KLHL13: variants seen among roughly 807,000 people sequenced by gnomAD.
KLHL13 encodes kelch-like protein 13.
A neutral mutation model predicts 37.1 loss-of-function variants in KLHL13; 10 were observed. That is an observed-to-expected ratio of 0.27 (90% CI 0.17 to 0.46). The LOEUF is 0.46. Ranked by LOEUF, KLHL13 falls within the 20% of genes least tolerant of loss-of-function variation. The pLI is 1.00. For missense variants in KLHL13, 360 were observed against 509.3 expected, an observed-to-expected ratio of 0.71 and a Z score of 2.82; for synonymous variants, 163 against 181.2, an observed-to-expected ratio of 0.90 and a Z score of 0.81.
At chrX:118,044,314 T>C (rs1451558749) in intron 1 of KLHL13, among the ~76,000 whole-genome samples, 4 of 110,891 alleles carry the variant, frequency 3.6e-5, no homozygotes, top group Admixed American at 9.6e-5. Flanking sequence ...CCCAATGCTA[T>C]TTACAGATTC....
chrX:117,985,358 C>G, intron 1 of KLHL13: 1 of 1,090,331 alleles, frequency 9.2e-7, no homozygotes, highest in South Asian at 2.6e-5. Flanking sequence ...CACAGCTAGG[C>G]TCTGCTACAT....
chrX:117,914,077 G>A (rs918499481), intron 4 of KLHL13, among the ~76,000 whole-genome samples: 1 of 110,470 alleles, frequency 9.1e-6, no homozygotes. Flanking sequence ...CACTGCTGCT[G>A]TACTATTCAA....
At chrX:117,964,575 T>C (rs889704855) in intron 1 of KLHL13, among the ~76,000 whole-genome samples, 7 of 110,458 alleles carry the variant, frequency 6.3e-5, no homozygotes, top group African/African-American at 2.0e-4. Flanking sequence ...TACAAGGTGA[T>C]TGAAAAAGAA....
At chrX:117,909,585 A>G in exon 5 of KLHL13, 1 of 1,211,783 alleles carries the variant, frequency 8.3e-7, no homozygotes, top group Non-Finnish European at 1.1e-6. Context: ...TTCATCATAC[A>G]TGCGCAATTC....
At chrX:118,018,470 T>C (rs2054154260) in intron 1 of KLHL13, among the ~76,000 whole-genome samples, 1 of 111,953 alleles carries the variant, frequency 8.9e-6, no homozygotes. Context: ...GAGCAATTAC[T>C]ACATAGCAGA....
chrX:117,982,559 T>C (rs943385354), intron 1 of KLHL13, among the ~76,000 whole-genome samples: 1 of 111,994 alleles, frequency 8.9e-6, no homozygotes, highest in Non-Finnish European at 1.9e-5. Flanking sequence ...CTTTTCTCTA[T>C]GCTGCAATAC....
chrX:118,007,897 G>C (rs2054005034), intron 1 of KLHL13, among the ~76,000 whole-genome samples: 1 of 111,816 alleles, frequency 8.9e-6, no homozygotes, highest in East Asian at 2.8e-4. Flanking sequence ...CAATGAAAAG[G>C]TAGATCTTCC....
At chrX:118,067,744 T>G (rs1172088005) in intron 1 of KLHL13, among the ~76,000 whole-genome samples, 1 of 111,017 alleles carries the variant, frequency 9.0e-6, no homozygotes, top group Non-Finnish European at 1.9e-5. Context: ...CTGGAAGGTC[T>G]TCAGGGGCAA....
chrX:118,008,016 C>T (rs1241038863), intron 1 of KLHL13, among the ~76,000 whole-genome samples: 2 of 111,665 alleles, frequency 1.8e-5, no homozygotes, highest in Admixed American at 9.5e-5. Flanking sequence ...TATCACACAG[C>T]ACTGATAACC....
intron 1 of KLHL13, among the ~76,000 whole-genome samples, chrX:117,989,477 C>CA (rs377351378): frequency 0.019 from 1,769 of 92,947 alleles, 32 homozygotes; most frequent in African/African-American, 0.052. Flanking sequence ...ACCTCCCCTC[C>CA]AAAAAAAAAA....
intron 1 of KLHL13, among the ~76,000 whole-genome samples, chrX:118,095,213 A>G (rs1260536410): frequency 9.0e-6 from 1 of 110,737 alleles, no homozygotes; most frequent in Middle Eastern, 4.2e-3. Context: ...AAGCAAATGG[A>G]AAACAAAAAA....
At chrX:118,098,806 T>G (rs2055245793) in intron 1 of KLHL13, among the ~76,000 whole-genome samples, 1 of 105,215 alleles carries the variant, frequency 9.5e-6, no homozygotes, top group Non-Finnish European at 1.9e-5. Flanking sequence ...ACCATCATTC[T>G]CAGCAAACTA....
chrX:118,039,073 A>C (rs1214498411), intron 1 of KLHL13, among the ~76,000 whole-genome samples: 2 of 112,382 alleles, frequency 1.8e-5, no homozygotes, highest in Non-Finnish European at 3.8e-5. Flanking sequence ...GCTGCCTTGA[A>C]GGGAAGGACC....
intron 1 of KLHL13, among the ~76,000 whole-genome samples, chrX:117,962,191 C>G (rs1440815573): frequency 1.0e-5 from 1 of 100,500 alleles, no homozygotes; most frequent in Non-Finnish European, 2.0e-5. Context: ...GCCTGGGCGA[C>G]ACAGTGAGAT....
chrX:118,057,701 C>T (rs1395621565), intron 1 of KLHL13, among the ~76,000 whole-genome samples: 1 of 110,206 alleles, frequency 9.1e-6, no homozygotes, highest in Non-Finnish European at 1.9e-5. Flanking sequence ...TGGCGGACAC[C>T]TGTAGTCCCA....
intron 1 of KLHL13, among the ~76,000 whole-genome samples, chrX:118,115,405 T>C (rs908681594): frequency 8.9e-6 from 1 of 112,722 alleles, no homozygotes; most frequent in African/African-American, 3.2e-5. Context: ...GTGAGTAGTC[T>C]TTTTTGTAAC....
chrX:118,053,765 T>TTGTGTGTGTGTG (rs774059071), intron 1 of KLHL13, among the ~76,000 whole-genome samples: 5 of 67,919 alleles, frequency 7.4e-5, no homozygotes, highest in African/African-American at 2.8e-4. Context: ...CAATCTCAAT[T>TTGTGTGTGTGTG]TGTGTGTGTG....
intron 1 of KLHL13, among the ~76,000 whole-genome samples, chrX:118,085,616 CATG>C (rs1471600575): frequency 9.1e-6 from 1 of 110,057 alleles, no homozygotes; most frequent in Non-Finnish European, 1.9e-5. Flanking sequence ...TTCCAGTGTC[CATG>C]ATATCACTCT....
chrX:117,898,872 A>C, exon 7 of KLHL13: 1 of 1,158,674 alleles, frequency 8.6e-7, no homozygotes. Flanking sequence ...CACATTGCAA[A>C]GATAGAACTA....
Sources: allele counts gnomAD v4.1 joint callset (sites outside exome capture counted in the v4.1 genomes callset), GRCh38; gene constraint gnomAD v4.1.1; transcripts MANE v1.5; gene names NCBI Gene and HGNC (gene_info 2026-07-23, HGNC 2026-07-21).